Variants in L3MBTL3 observed in about 807,000 individuals in gnomAD.
L3MBTL3 encodes L3MBTL histone methyl-lysine binding protein 3, also known as lethal(3)malignant brain tumor-like protein 3.
In L3MBTL3, 27 loss-of-function variants were observed where a neutral mutation model predicts 102.3. The ratio of observed to expected loss-of-function variants is 0.26; its 90% CI spans 0.19 to 0.36. L3MBTL3 has a LOEUF of 0.36. Among genes scored for constraint, L3MBTL3 ranks in the 10% least tolerant of loss-of-function variants. The pLI, the probability that L3MBTL3 is intolerant of heterozygous loss-of-function variation, is 1.00. For missense variants in L3MBTL3, 798 were observed against 955.3 expected, an observed-to-expected ratio of 0.84 and a Z score of 2.17; for synonymous variants, 340 against 320.9, an observed-to-expected ratio of 1.06 and a Z score of -0.64.
intron 19 of L3MBTL3, among the ~76,000 whole-genome samples, chr6:130,110,725 C>T (rs1387891279): frequency 6.6e-6 from 1 of 152,130 alleles, no homozygotes; most frequent in Non-Finnish European, 1.5e-5. Context: ...ACTTCCAATA[C>T]TATGTTGAAT....
chr6:130,085,657 TTTTC>T (rs1392140386), intron 15 of L3MBTL3, among the ~76,000 whole-genome samples: 3 of 152,226 alleles, frequency 2.0e-5, no homozygotes, highest in African/African-American at 7.2e-5. Context: ...GGTTCTCTTA[TTTTC>T]TTTCTTTATT....
Position 130,109,928 on chromosome 6 carries a change from T to C in L3MBTL3, c.1886+5353T>C, listed in dbSNP as rs190959134. On this transcript the variant is annotated intron_variant, in intron 19 of 22. Coordinates refer to ENST00000361794, the MANE Select transcript of L3MBTL3 (RefSeq NM_032438.4). ...GTTTTCTGCATATGGCTAGCCAGTTTTCCCAGCACCATTTATTAAATAGAA... is the reference window on the plus strand; with the variant it reads ...GTTTTCTGCATATGGCTAGCCAGTTCTCCCAGCACCATTTATTAAATAGAA... 1.1e-3 allele frequency among the ~76,000 whole-genome samples: 172 copies of C among 152,340 alleles called. 1 individual carries two copies. Among genetic ancestry groups the C allele is most frequent in the African/African-American group, 3.8e-3 (157 of 41,568 alleles).
chr6:130,023,368 A>G (rs539259142), intron 2 of L3MBTL3, among the ~76,000 whole-genome samples: 1 of 152,314 alleles, frequency 6.6e-6, no homozygotes, highest in Non-Finnish European at 1.5e-5. Flanking sequence ...CAGCAGAGAC[A>G]ATGGGGCAAG....
At chr6:130,019,232 A>G (rs1778765057) in intron 1 of L3MBTL3, 1 of 136,730 alleles carries the variant, frequency 7.3e-6, no homozygotes, top group Non-Finnish European at 1.6e-5. Flanking sequence ...GCCGGGCTCC[A>G]CCGGGGTGCG....
chr6:130,093,398 C>T (rs938926448), intron 17 of L3MBTL3, among the ~76,000 whole-genome samples: 1 of 152,188 alleles, frequency 6.6e-6, no homozygotes, highest in African/African-American at 2.4e-5. Context: ...TTATACAAAA[C>T]AAATGTAGGA....
At chr6:130,109,303 G>A (rs143929833) in intron 19 of L3MBTL3, among the ~76,000 whole-genome samples, 4 of 152,134 alleles carry the variant, frequency 2.6e-5, no homozygotes, top group Non-Finnish European at 5.9e-5. Context: ...TAATGATTGA[G>A]CTAATTTACA....
chr6:130,089,725 CTGT>C (rs1783917137), intron 16 of L3MBTL3, among the ~76,000 whole-genome samples: 1 of 152,054 alleles, frequency 6.6e-6, no homozygotes, highest in South Asian at 2.1e-4. Context: ...TCTCCAGCAT[CTGT>C]TGTTTCCTGA....
chr6:130,131,815 G>T (rs1562341647), intron 20 of L3MBTL3, among the ~76,000 whole-genome samples: 1 of 152,212 alleles, frequency 6.6e-6, no homozygotes, highest in Non-Finnish European at 1.5e-5. Context: ...GTAGCAGTGA[G>T]GACGACCAGA....
chr6:130,137,579 T>G (rs182484881), intron 22 of L3MBTL3: 5 of 152,162 alleles, frequency 3.3e-5, no homozygotes, highest in African/African-American at 1.2e-4. Context: ...TGTCCCACTT[T>G]TAACTTCAAA....
chr6:130,102,037 CA>C (rs1784723306), intron 18 of L3MBTL3, among the ~76,000 whole-genome samples: 1 of 152,026 alleles, frequency 6.6e-6, no homozygotes, highest in South Asian at 2.1e-4. Flanking sequence ...GTCTAATAAA[CA>C]AATTCCACAA....
chr6:130,054,070 C>T (rs185531310), intron 7 of L3MBTL3, among the ~76,000 whole-genome samples: 76 of 152,268 alleles, frequency 5.0e-4, no homozygotes, highest in African/African-American at 1.8e-3. Flanking sequence ...CTCTCAAAGA[C>T]GATGGCATGA....
rs1788043000 is a variant in L3MBTL3, at chr6:130,139,171, T to TG, written c.2200-437dup. 1.0e-4 allele frequency among the ~76,000 whole-genome samples: 9 copies of TG among 89,266 alleles called. No individual in the cohort carries two copies. In the South Asian group the frequency reaches 3.2e-3, roughly 31 times the overall value. The allele number at this position is 89,266 out of a possible 152,430, so 58.6% of individuals were successfully genotyped here. ...TTTCTTCATGGTGGAAGGCTAATTC[T>TG]GGAAAAAAAAAAAATGTTGCATGTA... is the stretch of plus-strand genomic sequence containing the variant. On this transcript the variant is annotated intron_variant, in intron 22 of 22. Coordinates refer to ENST00000361794, the MANE Select transcript of L3MBTL3 (RefSeq NM_032438.4).
Position 130,060,151 on chromosome 6 carries a change from C to T in L3MBTL3, c.864+11C>T, listed in dbSNP as rs1781795990. ...CTCACCGTCGCGGAGGTAAGCTTTG[C>T]CTCGTCCTTTATTTTTAAAATAAAA... is the stretch of plus-strand genomic sequence containing the variant. On this transcript the variant is annotated intron_variant, in intron 10 of 22. Transcript: ENST00000361794. 25 of 1,476,318 alleles carry T rather than the reference C, an allele frequency of 1.7e-5. No individual in the cohort carries two copies. Among genetic ancestry groups the T allele is most frequent in the Non-Finnish European group, 2.1e-5 (23 of 1,078,100 alleles). 91.5% of individuals were successfully genotyped at this position (1,476,318 alleles called of 1,614,324 possible).
chr6:130,019,938 CGGCCCGGGTGCG>C (rs1345217101), intron 1 of L3MBTL3, among the ~76,000 whole-genome samples: 1 of 134,146 alleles, frequency 7.5e-6, no homozygotes, highest in African/African-American at 2.7e-5. Flanking sequence ...CGCGCCGCGC[CGGCCCGGGTGCG>C]GGCGCGGGCG....
In L3MBTL3 at chr6:130,049,265, T is replaced by G. The variant is rs1780931889; in HGVS notation, c.103-17T>G. ...GAGCACTTTTTAAATTTTGCCTTTC[T>G]GCTGTGTTGTTGCTAGTTTCGGGTA... On this transcript the variant is annotated splice_polypyrimidine_tract_variant and intron_variant, in intron 3 of 22. Coordinates refer to ENST00000361794, the MANE Select transcript of L3MBTL3 (RefSeq NM_032438.4). 6.5e-7 allele frequency: 1 copy of G among 1,536,660 alleles called. No individual in the cohort carries two copies. Among genetic ancestry groups the G allele is most frequent in the African/African-American group, 1.4e-5 (1 of 72,912 alleles).
intron 4 of L3MBTL3, 135 bp downstream of exon 4, chr6:130,049,528 A>G (rs925154491): frequency 2.2e-5 from 16 of 720,276 alleles, no homozygotes; most frequent in East Asian, 2.2e-4. Context: ...GTAAATTTCT[A>G]TAATGAAACT....
chr6:130,033,111 G>A (rs1205742077), intron 2 of L3MBTL3, among the ~76,000 whole-genome samples: 1 of 152,166 alleles, frequency 6.6e-6, no homozygotes, highest in African/African-American at 2.4e-5. Flanking sequence ...GAAGGGTAAG[G>A]GATGGAAAGA....
At chr6:130,135,534 A>G (rs977765974) in intron 22 of L3MBTL3, among the ~76,000 whole-genome samples, 1 of 152,180 alleles carries the variant, frequency 6.6e-6, no homozygotes, top group Non-Finnish European at 1.5e-5. Flanking sequence ...TGTTATCTAG[A>G]TAATCCCTAT....
At position 130,057,612 on chromosome 6, in the gene L3MBTL3, G is replaced by T; in HGVS notation, c.759+115G>T. The T allele has an allele frequency of 3.6e-6, 3 of 826,478 alleles. No individual in the cohort carries two copies. The South Asian group carries it at 5.0e-5, about 14-fold the overall frequency. 51.2% of individuals were successfully genotyped at this position (826,478 alleles called of 1,614,324 possible). The stretch of plus-strand genomic sequence containing the variant: ...CTTGGGATCATTTTCTCAGCATACA[G>T]TTTTCATGCGTGTGTTTATATGGAG... On this transcript the variant is annotated intron_variant, in intron 9 of 22. Coordinates refer to ENST00000361794, the MANE Select transcript of L3MBTL3 (RefSeq NM_032438.4).
Sources: gnomAD v4.1 joint callset for allele counts (sites outside exome capture counted in the v4.1 genomes callset) on GRCh38, gnomAD v4.1.1 for gene constraint, MANE v1.5 for transcripts, NCBI Gene and HGNC (gene_info 2026-07-23, HGNC 2026-07-21) for gene names.